CCDC3: variants seen among roughly 807,000 people sequenced by gnomAD.
The protein encoded by CCDC3 is coiled-coil domain-containing protein 3.
A neutral mutation model predicts 21.4 loss-of-function variants in CCDC3; 24 were observed. The ratio of observed to expected loss-of-function variants is 1.12; its 90% CI spans 0.81 to 1.58. The LOEUF (loss-of-function observed/expected upper bound fraction) is 1.58, where lower values mean the gene tolerates loss of function less well. Ranked by LOEUF, CCDC3 falls within the 40% of genes most tolerant of loss-of-function variation. The probability of loss-of-function intolerance (pLI) is 0.00; values close to 1 mark genes in which losing one functional copy is unlikely to be tolerated. For missense variants in CCDC3, 425 were observed against 360.9 expected (o/e 1.18, Z -1.44); for synonymous variants, 186 against 166.0 (o/e 1.12, Z -0.93).
intron 2 of CCDC3, among the ~76,000 whole-genome samples, chr10:12,946,804 T>C (rs1834922808): frequency 6.6e-6 from 1 of 152,176 alleles, no homozygotes; most frequent in African/African-American, 2.4e-5. Context: ...TTAATCAACA[T>C]GCATTTTCCC....
At chr10:13,041,504 A>ATTTTTTTTTTTTTT (rs71477255) in intron 5 of CCDC3, among the ~76,000 whole-genome samples, 5 of 62,114 alleles carry the variant, frequency 8.0e-5, no homozygotes, top group East Asian at 5.5e-4. Flanking sequence ...CTGGCAGATA[A>ATTTTTTTTTTTTTT]TTTTTTTTTT....
intron 2 of CCDC3, among the ~76,000 whole-genome samples, chr10:12,985,265 T>C (rs1477672684): frequency 2.0e-5 from 3 of 152,144 alleles, no homozygotes; most frequent in African/African-American, 4.8e-5. Context: ...GAATAAGAAA[T>C]AGTAATTACA....
chr10:12,944,296 T>G (rs1834880544), intron 2 of CCDC3, among the ~76,000 whole-genome samples: 1 of 152,242 alleles, frequency 6.6e-6, no homozygotes, highest in East Asian at 1.9e-4. Context: ...TGACGCCTGC[T>G]ACCTGGAGGC....
chr10:13,025,845 T>A (rs1005794579), intron 5 of CCDC3, among the ~76,000 whole-genome samples: 6 of 152,218 alleles, frequency 3.9e-5, no homozygotes, highest in African/African-American at 1.2e-4. Context: ...AAGAGCATCA[T>A]AATAGCACCA....
chr10:13,019,198 C>T (rs1472594029), intron 5 of CCDC3, among the ~76,000 whole-genome samples: 1 of 151,830 alleles, frequency 6.6e-6, no homozygotes, highest in Non-Finnish European at 1.5e-5. Flanking sequence ...CGTGCCACTG[C>T]ACTTCAGCCT....
chr10:12,904,741 T>A (rs1433446747), intron 2 of CCDC3, among the ~76,000 whole-genome samples: 3 of 152,154 alleles, frequency 2.0e-5, no homozygotes, highest in Admixed American at 2.0e-4. Context: ...AGTTTCACCA[T>A]CAACATCTTG....
At chr10:13,053,759 C>T (rs1836643445) in intron 4 of CCDC3, among the ~76,000 whole-genome samples, 1 of 152,144 alleles carries the variant, frequency 6.6e-6, no homozygotes, top group South Asian at 2.1e-4. Context: ...CGAGCTGCCT[C>T]GTTTGATCCT....
intron 5 of CCDC3, among the ~76,000 whole-genome samples, chr10:13,008,496 C>T (rs960597801): frequency 1.3e-5 from 2 of 152,118 alleles, no homozygotes; most frequent in African/African-American, 4.8e-5. Flanking sequence ...AGAATAGTTA[C>T]ACACAAGAGG....
intron 5 of CCDC3, among the ~76,000 whole-genome samples, chr10:13,022,073 T>C (rs1295279181): frequency 6.6e-6 from 1 of 152,150 alleles, no homozygotes; most frequent in Non-Finnish European, 1.5e-5. Flanking sequence ...CTCCTCTATT[T>C]TTCTAACCCA....
At chr10:12,938,566 C>G (rs753356369) in intron 2 of CCDC3, among the ~76,000 whole-genome samples, 32 of 152,334 alleles carry the variant, frequency 2.1e-4, no homozygotes, top group Admixed American at 5.9e-4. Flanking sequence ...AGACCATAGA[C>G]AAGTTACTCA....
At chr10:12,945,262 G>A (rs560435623) in intron 2 of CCDC3, among the ~76,000 whole-genome samples, 1 of 152,120 alleles carries the variant, frequency 6.6e-6, no homozygotes, top group African/African-American at 2.4e-5. Flanking sequence ...GAAATAATAC[G>A]GGAAACAACT....
At chr10:13,027,510 G>T (rs1175286959) in intron 5 of CCDC3, among the ~76,000 whole-genome samples, 1 of 151,960 alleles carries the variant, frequency 6.6e-6, no homozygotes, top group Non-Finnish European at 1.5e-5. Context: ...CTTATTAATA[G>T]CTATCATTCA....
At chr10:12,915,652 G>C (rs994397413) in intron 2 of CCDC3, among the ~76,000 whole-genome samples, 1 of 152,206 alleles carries the variant, frequency 6.6e-6, no homozygotes, top group Non-Finnish European at 1.5e-5. Flanking sequence ...CAGAGATTCT[G>C]GGCAGGCTGT....
chr10:12,929,679 G>C (rs1266808035), intron 2 of CCDC3, among the ~76,000 whole-genome samples: 7 of 152,094 alleles, frequency 4.6e-5, no homozygotes, highest in African/African-American at 1.2e-4. Flanking sequence ...CTTCCACATG[G>C]GTCCAGCAGG....
At chr10:13,093,143 T>C (rs1832595239) in intron 3 of CCDC3, among the ~76,000 whole-genome samples, 2 of 151,674 alleles carry the variant, frequency 1.3e-5, no homozygotes, top group Admixed American at 1.3e-4. Flanking sequence ...GATAAAGATA[T>C]ACCTGATACT....
chr10:12,952,704 G>C (rs1454954213), intron 2 of CCDC3, among the ~76,000 whole-genome samples: 1 of 152,142 alleles, frequency 6.6e-6, no homozygotes, highest in African/African-American at 2.4e-5. Context: ...TTCTCTGCCT[G>C]AGATTCCAGT....
intron 2 of CCDC3, among the ~76,000 whole-genome samples, chr10:12,991,800 A>G (rs939128345): frequency 1.3e-5 from 2 of 152,210 alleles, no homozygotes; most frequent in Non-Finnish European, 2.9e-5. Flanking sequence ...TCTGAACACT[A>G]AACAGTTAGA....
chr10:13,023,726 C>G (rs1376482792), intron 5 of CCDC3, among the ~76,000 whole-genome samples: 2 of 152,088 alleles, frequency 1.3e-5, no homozygotes, highest in South Asian at 4.2e-4. Context: ...TAATTATCCC[C>G]TCCAAAGCAT....
In CCDC3 at chr10:12,996,786, G is replaced by GGAT. The variant is rs1397909829; in HGVS notation, c.549+1549_549+1551dup. On this transcript the variant is annotated intron_variant, in intron 2 of 2. Transcript: ENST00000378825. Reference sequence around the variant, plus strand: ...TTTGAATCCTGTCCTTTGCAGACATGGATGCAGCTGGAGGCCATTATCCTA... The same window carrying GGAT: ...TTTGAATCCTGTCCTTTGCAGACATGGATGATGCAGCTGGAGGCCATTATCCTA... Among the ~76,000 whole-genome samples the GGAT allele has an allele frequency of 4.6e-4, 70 of 152,230 alleles. 1 individual carries two copies. Among genetic ancestry groups the GGAT allele is most frequent in the Middle Eastern group, 3.4e-3 (1 of 294 alleles).
Sources: allele counts gnomAD v4.1 joint callset (sites outside exome capture counted in the v4.1 genomes callset), GRCh38; gene constraint gnomAD v4.1.1; transcripts MANE v1.5; gene names NCBI Gene and HGNC (gene_info 2026-07-23, HGNC 2026-07-21).